The following TULP1 variants were observed in gnomAD, a reference collection of about 807,000 sequenced individuals.
TULP1 encodes TUB like protein 1, also known as tubby-related protein 1.
A neutral mutation model predicts 67.1 loss-of-function variants in TULP1; 50 were observed. The ratio of observed to expected loss-of-function variants is 0.75; its 90% CI spans 0.59 to 0.94. The LOEUF is 0.94. Among genes scored for constraint, TULP1 ranks in the 40% least tolerant of loss-of-function variants. The pLI is 0.00. For synonymous variants in TULP1, 297 were observed against 294.0 expected (o/e 1.01, Z -0.11); for missense variants, 746 against 734.1 (o/e 1.02, Z -0.19).
chr6:35,511,701 T>C lies in TULP1; in HGVS notation c.296A>G (p.Lys99Arg), dbSNP rs145518705. 1.3e-4 allele frequency: 215 copies of C among 1,593,980 alleles called. No individual in the cohort carries two copies. Among genetic ancestry groups the C allele is most frequent in the Non-Finnish European group, 1.8e-4 (206 of 1,170,330 alleles). The change falls in exon 4 of 15, where the codon AAG (lysine) becomes AGG (arginine). Residue 99 changes from lysine (K) to arginine (R), a missense_variant. By Grantham distance (26) the Lys-to-Arg change is conservative. Transcript: ENST00000229771. ...CAGAAAGGTTTCCCGGGGGTCGCGC[T>C]TCTTGGCCTCGGGGTCCCTGAGGAA... ...ARFLRDPEAK[K>R]RDPRETFLVA...
intron 13 of TULP1, among the ~76,000 whole-genome samples, chr6:35,500,837 C>G (rs1768826751): frequency 6.6e-6 from 1 of 152,152 alleles, no homozygotes; most frequent in South Asian, 2.1e-4. Context: ...CAAACAAGGG[C>G]AGGAGATGCT....
intron 10 of TULP1, 42 bp from the exon 11 acceptor site, chr6:35,505,895 G>C (rs1396447380): frequency 6.2e-7 from 1 of 1,614,096 alleles, no homozygotes; most frequent in African/African-American, 1.3e-5. Flanking sequence ...GGAAGAGAAG[G>C]TGGGAAGGGG....
In TULP1 at chr6:35,498,482, G is replaced by T. The variant is rs199634997; in HGVS notation, c.1496-22C>A. ...TCGGCTATGGACACAAGACGGGGTGGGGGCGGCCCGAGACCTCCTTGGACC... is the reference window on the plus strand; with the variant it reads ...TCGGCTATGGACACAAGACGGGGTGTGGGCGGCCCGAGACCTCCTTGGACC... On this transcript the variant is annotated intron_variant, in intron 14 of 14. Transcript: ENST00000229771. This position sits in a 1 kb window ranked among gnomAD's most constrained non-coding sequence, Gnocchi z 6.7. The T allele has an allele frequency of 6.2e-7, 1 of 1,613,252 alleles. No homozygotes were observed. The highest frequency in any genetic ancestry group is 1.1e-5 in the South Asian group (1 of 91,070).
intron 8 of TULP1, among the ~76,000 whole-genome samples, chr6:35,507,979 T>C (rs1394997652): frequency 6.6e-6 from 1 of 152,126 alleles, no homozygotes; most frequent in Non-Finnish European, 1.5e-5. Flanking sequence ...CATGCCCCGA[T>C]AATTTTTGTA....
chr6:35,501,412 T>C (rs1035232017), intron 13 of TULP1, among the ~76,000 whole-genome samples: 6 of 150,884 alleles, frequency 4.0e-5, no homozygotes, highest in African/African-American at 1.5e-4. Context: ...GAAGCAGCAC[T>C]GTTTGAAGCC....
intron 4 of TULP1, 37 bp downstream of exon 4, chr6:35,511,611 C>G (rs762849376): frequency 6.3e-7 from 1 of 1,578,060 alleles, no homozygotes; most frequent in South Asian, 1.2e-5. Context: ...CTTAGCTCCA[C>G]CGCCCCCTCA....
intron 8 of TULP1, among the ~76,000 whole-genome samples, chr6:35,508,920 G>A (rs561196856): frequency 6.6e-6 from 1 of 152,220 alleles, no homozygotes; most frequent in East Asian, 1.9e-4. Flanking sequence ...ACATGGTGGG[G>A]GCGTGGGGAC....
At chr6:35,507,171 A>G (rs1313009637) in intron 8 of TULP1, among the ~76,000 whole-genome samples, 1 of 150,434 alleles carries the variant, frequency 6.6e-6, no homozygotes, top group Non-Finnish European at 1.5e-5. Flanking sequence ...ACTTTGGGAG[A>G]AGTTGGCTGC....
At position 35,503,577 on chromosome 6, in the gene TULP1, G is replaced by C. The variant is rs1214909815; in HGVS notation, c.1305C>G (p.Val435=). ...IPGMSAENER[V]PIRPRNASDG... Reference sequence around the variant, plus strand: ...GGCTCACATTTCGGGGCCGGATGGGGACCCTCTCGTTCTCCGCACTCATGC... The same window carrying C: ...GGCTCACATTTCGGGGCCGGATGGGCACCCTCTCGTTCTCCGCACTCATGC... Residue 435 remains valine, a synonymous_variant, in exon 13 of 15, where the codon GTC becomes GTG. Coordinates refer to ENST00000229771, the MANE Select transcript of TULP1 (RefSeq NM_003322.6). This position sits in a 1 kb window ranked among gnomAD's most constrained non-coding sequence, Gnocchi z 4.0. 30 of 1,580,810 alleles carry C rather than the reference G, an allele frequency of 1.9e-5. No homozygotes were observed. The highest frequency in any genetic ancestry group is 2.6e-5 in the Non-Finnish European group (30 of 1,163,572).
chr6:35,508,579 C>T (rs1761126156), intron 8 of TULP1, among the ~76,000 whole-genome samples: 1 of 152,210 alleles, frequency 6.6e-6, no homozygotes, highest in Non-Finnish European at 1.5e-5. Flanking sequence ...GGACCTCCCT[C>T]TCCTGCTTAC....
chr6:35,507,924 C>T (rs774419444), intron 8 of TULP1, among the ~76,000 whole-genome samples: 11 of 152,196 alleles, frequency 7.2e-5, no homozygotes, highest in Non-Finnish European at 1.3e-4. Flanking sequence ...AAGTGATTCT[C>T]CTGCCTCATC....
chr6:35,504,039 G>T, intron 11 of TULP1, 191 bp from the exon 12 acceptor site: 1 of 563,888 alleles, frequency 1.8e-6, no homozygotes. Flanking sequence ...CCCAACCCAG[G>T]GCATGGTGGC....
In TULP1 at chr6:35,503,318, A is replaced by G. The variant is rs964703801; in HGVS notation, c.1323+241T>C. 4 of 534,768 alleles carry G rather than the reference A, an allele frequency of 7.5e-6. No individual in the cohort carries two copies. In the South Asian group the frequency reaches 8.2e-5, roughly 11 times the overall value. The allele number at this position is 534,768 out of a possible 1,614,324, so 33.1% of individuals were successfully genotyped here. A position where few individuals can be genotyped will look rare whatever the true frequency, so the allele number is the denominator to read the frequency against. On this transcript the variant is annotated intron_variant, in intron 13 of 14. Transcript: ENST00000229771. The surrounding 1 kb of genome is among the most constrained non-coding windows in gnomAD (Gnocchi z 4.0). The stretch of plus-strand genomic sequence containing the variant: ...ACTTGGCACTCAATATGTGTGGTCA[A>G]TGAAGATATGAATGGATGTAATATA...
chr6:35,512,550 A>T, intron 2 of TULP1, 89 bp downstream of exon 2: 1 of 1,541,010 alleles, frequency 6.5e-7, no homozygotes, highest in Non-Finnish European at 8.9e-7. Flanking sequence ...GCTAAGGGGG[A>T]CCTGTCCCAC....
rs1768759728 is a variant in TULP1 at position 35,498,579 on chromosome 6, C to T, written c.1496-119G>A. ...TTGCCTTGGGGCTCCAACCCTCAGC[C>T]ACCATCTCAGTTACTCAACACCCAT... On this transcript the variant is annotated intron_variant, in intron 14 of 14. Coordinates refer to ENST00000229771, the MANE Select transcript of TULP1 (RefSeq NM_003322.6). The surrounding 1 kb of genome is among the most constrained non-coding windows in gnomAD (Gnocchi z 6.7). 2 of 1,474,230 alleles carry T rather than the reference C, an allele frequency of 1.4e-6. No individual in the cohort carries two copies. The highest frequency in any genetic ancestry group is 2.4e-5 in the East Asian group (1 of 41,884). The allele number at this position is 1,474,230 out of a possible 1,614,324, so 91.3% of individuals were successfully genotyped here.
chr6:35,506,146 C>T lies in TULP1; in HGVS notation c.856G>A (p.Val286Met), dbSNP rs550761943. ...AKEERAPSPP[V>M]EVDEPREFVL... is the part of the protein sequence containing the mutation. ...AACTCCCGGGGTTCGTCCACCTCCA[C>T]GGGGGGAGACGGGGCCCTCTCCTCC... Residue 286 changes from valine (V) to methionine (M), a missense_variant, in exon 10 of 15, where the codon GTG becomes ATG. Val to Met is a conservative substitution (Grantham distance 21). Around this residue, in one of 3 missense-constraint regions of TULP1, gnomAD observed 383 missense variants for 374.1 expected, o/e 1.02. Coordinates refer to ENST00000229771, the MANE Select transcript of TULP1 (RefSeq NM_003322.6). 284 of 1,613,504 alleles carry T rather than the reference C, an allele frequency of 1.8e-4. 3 individuals carry two copies. In the South Asian group the frequency reaches 3.0e-3, roughly 17 times the overall value.
At chr6:35,511,879 C>A in intron 3 of TULP1, 73 bp from the exon 4 acceptor site, 2 of 1,449,952 alleles carry the variant, frequency 1.4e-6, no homozygotes, top group Non-Finnish European at 1.8e-6. Flanking sequence ...CCCGCTACCC[C>A]CAAGCCTGGG....
At chr6:35,511,246 G>T (rs1383071259) in intron 4 of TULP1, among the ~76,000 whole-genome samples, 2 of 152,078 alleles carry the variant, frequency 1.3e-5, no homozygotes, top group Non-Finnish European at 2.9e-5. Context: ...CTGGGGAAAT[G>T]CCCTCCCTCT....
chr6:35,512,204 C>G lies in TULP1; in HGVS notation c.166G>C (p.Gly56Arg). ...CCTCCGGGCTTCCGGGGCTTGGATC[C>G]CGTGGGGCAGGGGGATTCGGGGGCC... ...TEAPESPCPT[G>R]SKPRKPGAGR... is the part of the protein sequence containing the mutation. Residue 56 changes from glycine (G) to arginine (R), a missense_variant, in exon 3 of 15, where the codon GGA (glycine) becomes CGA (arginine). By Grantham distance (125) the Gly-to-Arg change is moderately radical. Coordinates refer to ENST00000229771, the MANE Select transcript of TULP1 (RefSeq NM_003322.6). 7.4e-7 allele frequency: 1 copy of G among 1,356,208 alleles called. No individual in the cohort carries two copies. The allele number at this position is 1,356,208 out of a possible 1,614,324, so 84.0% of individuals were successfully genotyped here. A position where few individuals can be genotyped will look rare whatever the true frequency, so the allele number is the denominator to read the frequency against.
Sources: gnomAD v4.1 joint callset for allele counts (sites outside exome capture counted in the v4.1 genomes callset) on GRCh38, gnomAD v4.1.1 for gene constraint, gnomAD v4.1.1 regional missense constraint, Gnocchi (gnomAD v3.1) non-coding constraint, MANE v1.5 for transcripts, NCBI Gene and HGNC (gene_info 2026-07-23, HGNC 2026-07-21) for gene names.